Variants in SULT1B1 observed in about 807,000 individuals in gnomAD.
SULT1B1 encodes the protein sulfotransferase 1B1.
Under a neutral mutation model 34.6 loss-of-function variants are expected in SULT1B1, and 28 were observed. The observed-to-expected ratio is 0.81, with a 90% CI of 0.60 to 1.11. The LOEUF is 1.11. SULT1B1 is among the 50% of genes least tolerant of loss of function. SULT1B1 has a pLI of 0.00. For synonymous variants in SULT1B1, 147 were observed against 110.2 expected (o/e 1.33, Z -2.09); for missense variants, 374 against 352.2 (o/e 1.06, Z -0.50).
At position 69,758,513 on chromosome 4, in the gene SULT1B1, A is replaced by G. The variant is rs577107722; in HGVS notation, c.-45+1946T>C. 1.6e-3 allele frequency: 1,515 copies of G among 976,460 alleles called. 2 individuals are homozygous for G. The highest frequency in any genetic ancestry group is 1.8e-3 in the Non-Finnish European group (1,470 of 821,898). 60.5% of individuals were successfully genotyped at this position (976,460 alleles called of 1,614,324 possible). ...ATCTAAAGGGAAATATCAATGGCAC[A>G]CCTCATTTCAAAAATTGTCTATTCT... On this transcript the variant is annotated intron_variant, in intron 1 of 7. Transcript: ENST00000310613.
chr4:69,733,585 G>A, intron 5 of SULT1B1, 78 bp from the exon 6 acceptor site: 10 of 1,107,244 alleles, frequency 9.0e-6, no homozygotes, highest in Non-Finnish European at 1.1e-5. Context: ...ATCAAATTGT[G>A]AAAACATTTT....
Position 69,733,448 on chromosome 4 carries a change from G to A in SULT1B1, c.562C>T (p.Pro188Ser). 1 of 1,607,064 alleles carries A rather than the reference G, an allele frequency of 6.2e-7. No individual in the cohort carries two copies. ...KNWWKKKEEH[P>S]ILFLYYEDMK... The stretch of plus-strand genomic sequence containing the variant: ...TCTTCATAGTACAAAAAAAGTATTG[G>A]GTGTTCTTCCTTTTTCTTCCACCAG... Residue 188 changes from proline to serine, a missense_variant, in exon 6 of 8, where the codon CCA (proline) becomes TCA (serine). Physicochemically the swap from Pro to Ser is moderately conservative, Grantham distance 74. Transcript: ENST00000310613.
At chr4:69,759,206 A>T (rs1719305277) in intron 1 of SULT1B1, among the ~76,000 whole-genome samples, 1 of 152,242 alleles carries the variant, frequency 6.6e-6, no homozygotes, top group South Asian at 2.1e-4. Context: ...ATTAGGAAAC[A>T]GATCTTCAGA....
chr4:69,750,436 C>G (rs1202648430), intron 3 of SULT1B1, among the ~76,000 whole-genome samples: 1 of 152,076 alleles, frequency 6.6e-6, no homozygotes, highest in East Asian at 1.9e-4. Flanking sequence ...AACTTGATTT[C>G]AAATTAAGGT....
At chr4:69,758,404 T>C in intron 1 of SULT1B1, 2 of 985,270 alleles carry the variant, frequency 2.0e-6, no homozygotes, top group Non-Finnish European at 2.4e-6. Context: ...GATGTTAGAC[T>C]TGATTTCCAC....
chr4:69,750,469 C>T (rs1278408417), intron 3 of SULT1B1, among the ~76,000 whole-genome samples: 1 of 152,050 alleles, frequency 6.6e-6, no homozygotes, highest in Non-Finnish European at 1.5e-5. Context: ...GATACATAAA[C>T]TTCTTATGCA....
intron 5 of SULT1B1, 134 bp downstream of exon 5, chr4:69,734,004 A>C (rs555199783): frequency 1.4e-6 from 1 of 732,498 alleles, no homozygotes; most frequent in East Asian, 3.4e-5. Context: ...CATTAGATTT[A>C]GTTTTTTAGA....
intron 4 of SULT1B1, among the ~76,000 whole-genome samples, chr4:69,736,990 A>G (rs1250454107): frequency 1.3e-5 from 2 of 151,998 alleles, no homozygotes; most frequent in African/African-American, 2.4e-5. Context: ...AAATAAATCA[A>G]TATATCTAAG....
chr4:69,727,302 C>G (rs1717877857), intron 7 of SULT1B1, 102 bp from the exon 8 acceptor site: 1 of 710,938 alleles, frequency 1.4e-6, no homozygotes, highest in South Asian at 3.2e-5. Flanking sequence ...GAAAGACCTT[C>G]CTTTTATTTG....
chr4:69,759,622 T>G (rs187734316), intron 1 of SULT1B1, among the ~76,000 whole-genome samples: 2 of 152,294 alleles, frequency 1.3e-5, no homozygotes, highest in Admixed American at 1.3e-4. Context: ...TTCTGAATTA[T>G]ATGGGGAGAA....
chr4:69,756,828 C>T (rs1010215519), intron 1 of SULT1B1, among the ~76,000 whole-genome samples: 4 of 152,084 alleles, frequency 2.6e-5, no homozygotes, highest in African/African-American at 9.7e-5. Context: ...TCTTTACTTC[C>T]AGGAGAGTCA....
At chr4:69,733,167 AT>A (rs1484358854) in intron 6 of SULT1B1, among the ~76,000 whole-genome samples, 4 of 152,296 alleles carry the variant, frequency 2.6e-5, no homozygotes, top group East Asian at 3.9e-4. Flanking sequence ...AATATAGGAA[AT>A]AATTGCAGAA....
At chr4:69,751,329 C>T (rs1002639052) in intron 3 of SULT1B1, among the ~76,000 whole-genome samples, 1 of 152,216 alleles carries the variant, frequency 6.6e-6, no homozygotes, top group African/African-American at 2.4e-5. Context: ...AAAGATTTCT[C>T]AATTTCCCCT....
At chr4:69,750,689 A>G (rs1029294872) in intron 3 of SULT1B1, among the ~76,000 whole-genome samples, 1 of 152,178 alleles carries the variant, frequency 6.6e-6, no homozygotes, top group East Asian at 1.9e-4. Flanking sequence ...TTTTTCTCTT[A>G]ATGTTCTATG....
intron 7 of SULT1B1, among the ~76,000 whole-genome samples, 160 bp from the exon 8 acceptor site, chr4:69,727,360 GGCTT>G (rs1225153680): frequency 2.6e-5 from 4 of 151,878 alleles, no homozygotes; most frequent in African/African-American, 9.7e-5. Context: ...AAATTTTTCA[GGCTT>G]TTAAAATTTG....
chr4:69,760,242 T>G (rs572622938), intron 1 of SULT1B1: 1 of 983,674 alleles, frequency 1.0e-6, no homozygotes, highest in African/African-American at 1.7e-5. Context: ...CTTGCATGCT[T>G]CAGTTCCACT....
rs1717713115 is a variant in SULT1B1, at chr4:69,723,368, T to C, written c.*3720A>G. ...AATAGAAAAATAACATGCTCTGAAA[T>C]AGAGGCAATAATTAATAGCTTACCA... On this transcript the variant is annotated 3_prime_UTR_variant, in exon 8 of 8. Transcript: ENST00000310613. 2 of 152,084 alleles carry C rather than the reference T, an allele frequency of 1.3e-5. No homozygotes were observed. Among genetic ancestry groups the C allele is most frequent in the South Asian group, 4.1e-4 (2 of 4,828 alleles). The allele number at this position is 152,084 out of a possible 1,614,324, so 9.4% of individuals were successfully genotyped here.
intron 4 of SULT1B1, among the ~76,000 whole-genome samples, chr4:69,743,997 C>T (rs1040170381): frequency 6.6e-6 from 1 of 152,088 alleles, no homozygotes; most frequent in South Asian, 2.1e-4. Flanking sequence ...ACAGGGAGCC[C>T]TGGGTCCATA....
chr4:69,725,079 C>T lies in SULT1B1; in HGVS notation c.*2009G>A. The T allele has an allele frequency of 1.4e-5, 2 of 147,318 alleles. No individual in the cohort carries two copies. Among genetic ancestry groups the T allele is most frequent in the Non-Finnish European group, 2.9e-5 (2 of 67,984 alleles). The allele number at this position is 147,318 out of a possible 1,614,324, so 9.1% of individuals were successfully genotyped here. A position where few individuals can be genotyped will look rare whatever the true frequency, so the allele number is the denominator to read the frequency against. On this transcript the variant is annotated 3_prime_UTR_variant, in exon 8 of 8. Transcript: ENST00000310613. ...CAAAAGAAACTACCATCAGCGTGAA[C>T]AGGCAACCTACAGAATGGGAGAAAA...
Sources: gnomAD v4.1 joint callset for allele counts (sites outside exome capture counted in the v4.1 genomes callset) on GRCh38, gnomAD v4.1.1 for gene constraint, MANE v1.5 for transcripts, NCBI Gene and HGNC (gene_info 2026-07-23, HGNC 2026-07-21) for gene names.